METTL4: variants seen among roughly 807,000 people sequenced by gnomAD.
METTL4 encodes the protein methyltransferase 4, N6-adenosine, also known as N(6)-adenine-specific methyltransferase METTL4.
A neutral mutation model predicts 54.0 loss-of-function variants in METTL4; 40 were observed. That is an observed-to-expected ratio of 0.74 (90% CI 0.58 to 0.96). The LOEUF is 0.96. Ranked by LOEUF, METTL4 falls within the 50% of genes least tolerant of loss-of-function variation. The pLI, the probability that METTL4 is intolerant of heterozygous loss-of-function variation, is 0.00. For missense variants in METTL4, 525 were observed against 549.0 expected, an observed-to-expected ratio of 0.96 and a Z score of 0.44; for synonymous variants, 169 against 183.8, an observed-to-expected ratio of 0.92 and a Z score of 0.65.
chr18:2,553,085 C>G (rs2072187224), intron 4 of METTL4: 1 of 189,044 alleles, frequency 5.3e-6, no homozygotes, highest in Non-Finnish European at 1.1e-5. Flanking sequence ...TAATATAGTT[C>G]TAAGAAATCT....
chr18:2,565,736 G>T (rs993902147), intron 2 of METTL4, among the ~76,000 whole-genome samples: 1 of 152,170 alleles, frequency 6.6e-6, no homozygotes, highest in Non-Finnish European at 1.5e-5. Context: ...GAGCTCAAAC[G>T]TTTGTTCGGT....
chr18:2,540,805 GTT>G, intron 8 of METTL4: 6 of 985,384 alleles, frequency 6.1e-6, no homozygotes, highest in Non-Finnish European at 6.0e-6. Context: ...CTGAAGAAAG[GTT>G]TTGTTTGTTT....
chr18:2,540,707 AC>A (rs2071981981), intron 8 of METTL4: 1 of 985,428 alleles, frequency 1.0e-6, no homozygotes, highest in South Asian at 4.7e-5. Context: ...GGAGGAAATA[AC>A]CCCACATGGA....
At chr18:2,565,990 T>G (rs1213872755) in intron 2 of METTL4, among the ~76,000 whole-genome samples, 1 of 150,302 alleles carries the variant, frequency 6.7e-6, no homozygotes, top group African/African-American at 2.5e-5. Flanking sequence ...GAGCTTGCAG[T>G]GAGCTGAGAT....
At chr18:2,559,268 T>C (rs2072280677) in intron 3 of METTL4, among the ~76,000 whole-genome samples, 1 of 152,200 alleles carries the variant, frequency 6.6e-6, no homozygotes, top group Non-Finnish European at 1.5e-5. Context: ...TAAAATGGAA[T>C]ATTTTTCAGC....
At chr18:2,570,943 C>G (rs2072494615) in intron 1 of METTL4, among the ~76,000 whole-genome samples, 1 of 152,192 alleles carries the variant, frequency 6.6e-6, no homozygotes, top group Admixed American at 6.5e-5. Flanking sequence ...TAGTGCACCC[C>G]TCTCCTGCGT....
At position 2,547,469 on chromosome 18, in the gene METTL4, T is replaced by G. The variant is rs1174918782; in HGVS notation, c.960A>C (p.Pro320=). ...TCACCCAAGTAACAAGAAGACAGTTTGGAGCAGCCAATTTAGGGATAGGTA... is the reference window on the plus strand; with the variant it reads ...TCACCCAAGTAACAAGAAGACAGTTGGGAGCAGCCAATTTAGGGATAGGTA... The part of the protein sequence containing the change: ...QQIPIPKLAA[P]NCLLVTWVTN... The change falls in exon 6 of 9, where the codon CCA becomes CCC. Residue 320 remains proline (P), a synonymous_variant. Transcript: ENST00000574538. 1 of 1,611,718 alleles carries G rather than the reference T, an allele frequency of 6.2e-7. No homozygotes were observed. Among genetic ancestry groups the G allele is most frequent in the Non-Finnish European group, 8.5e-7 (1 of 1,178,882 alleles).
chr18:2,544,283 A>G lies in METTL4; in HGVS notation c.1185T>C (p.Asn395=), dbSNP rs1160954751. Reference sequence around the variant, plus strand: ...GAATGGGGAGCACGTTTACATCTGCATTCCTAATTAAACAGAACAAGAAAG... The same window carrying G: ...GAATGGGGAGCACGTTTACATCTGCGTTCCTAATTAAACAGAACAAGAAAG... ...VQEKTALPLR[N]ADVNVLPIPD... is the part of the protein sequence containing the mutation. The change falls in exon 8 of 9, where the codon AAT becomes AAC. Residue 395 remains asparagine, a synonymous_variant. Transcript: ENST00000574538. 6.2e-7 allele frequency: 1 copy of G among 1,609,430 alleles called. No individual in the cohort carries two copies. The highest frequency in any genetic ancestry group is 8.5e-7 in the Non-Finnish European group (1 of 1,177,094).
chr18:2,553,538 G>A (rs2072193695), intron 4 of METTL4: 1 of 152,022 alleles, frequency 6.6e-6, no homozygotes, highest in Non-Finnish European at 1.5e-5. Flanking sequence ...AGTATCTTGG[G>A]AGGAGATACT....
intron 6 of METTL4, 99 bp downstream of exon 6, chr18:2,547,256 G>T: frequency 1.1e-6 from 1 of 881,646 alleles, no homozygotes; most frequent in East Asian, 2.9e-5. Flanking sequence ...CCATGTTGAA[G>T]GAGTACAGCA....
In METTL4 at chr18:2,538,697, T is replaced by C; in HGVS notation, c.*303A>G. On this transcript the variant is annotated 3_prime_UTR_variant, in exon 9 of 9. Transcript: ENST00000574538. ...CACAAAACACATCCATAGATAGGATTAAGACCTCTGGTCCACGGTGTATGT... is the reference window on the plus strand; with the variant it reads ...CACAAAACACATCCATAGATAGGATCAAGACCTCTGGTCCACGGTGTATGT... 1 of 290,876 alleles carries C rather than the reference T, an allele frequency of 3.4e-6. No homozygotes were observed. Among genetic ancestry groups the C allele is most frequent in the African/African-American group, 2.1e-5 (1 of 47,042 alleles). 18.0% of individuals were successfully genotyped at this position (290,876 alleles called of 1,614,324 possible).
intron 3 of METTL4, among the ~76,000 whole-genome samples, chr18:2,557,523 A>C: frequency 6.6e-6 from 1 of 152,190 alleles, no homozygotes; most frequent in East Asian, 1.9e-4. Flanking sequence ...TGTCTCCCCA[A>C]GGCAGAGGAT....
intron 5 of METTL4, among the ~76,000 whole-genome samples, chr18:2,552,002 G>A (rs1345298487): frequency 1.3e-5 from 2 of 152,102 alleles, no homozygotes; most frequent in African/African-American, 4.8e-5. Context: ...AGACCAGCCT[G>A]GCCAATATGG....
rs1311440062 is a variant in METTL4, at chr18:2,547,450, A to G, written c.979T>C (p.Trp327Arg). The G allele has an allele frequency of 6.2e-7, 1 of 1,612,558 alleles. No individual in the cohort carries two copies. Among genetic ancestry groups the G allele is most frequent in the Non-Finnish European group, 8.5e-7 (1 of 1,179,070 alleles). Reference sequence around the variant, plus strand: ...AGGTGCTTCTGTCTATTGGTCACCCAAGTAACAAGAAGACAGTTTGGAGCA... The same window carrying G: ...AGGTGCTTCTGTCTATTGGTCACCCGAGTAACAAGAAGACAGTTTGGAGCA... ...LAAPNCLLVT[W>R]VTNRQKHLRF... Residue 327 changes from tryptophan (W) to arginine (R), a missense_variant, in exon 6 of 9, where the codon TGG becomes CGG. Transcript: ENST00000574538.
intron 5 of METTL4, 94 bp from the exon 6 acceptor site, chr18:2,547,623 G>C: frequency 1.1e-6 from 1 of 888,454 alleles, no homozygotes; most frequent in Non-Finnish European, 1.6e-6. Context: ...CTCCACAAAT[G>C]CAAAGCTCTT....
At chr18:2,560,612 T>C (rs1451230072) in intron 3 of METTL4, among the ~76,000 whole-genome samples, 1 of 152,178 alleles carries the variant, frequency 6.6e-6, no homozygotes, top group Admixed American at 6.5e-5. Context: ...GCGCAGTGGC[T>C]CACGCCTATA....
At chr18:2,559,823 C>T (rs1048217742) in intron 3 of METTL4, among the ~76,000 whole-genome samples, 2 of 152,078 alleles carry the variant, frequency 1.3e-5, no homozygotes, top group African/African-American at 4.8e-5. Flanking sequence ...GCAACCTCCA[C>T]CTCCCAGGTT....
intron 3 of METTL4, among the ~76,000 whole-genome samples, chr18:2,556,260 A>T (rs1194189584): frequency 1.3e-5 from 2 of 152,108 alleles, no homozygotes; most frequent in African/African-American, 4.8e-5. Context: ...AACTCACAGA[A>T]CATCAGGCAG....
chr18:2,555,366 G>A, intron 3 of METTL4: 1 of 260,720 alleles, frequency 3.8e-6, no homozygotes, highest in South Asian at 4.9e-5. Flanking sequence ...GATTGCATGA[G>A]GAAGTATCTG....
Sources: allele counts gnomAD v4.1 joint callset (sites outside exome capture counted in the v4.1 genomes callset), GRCh38; gene constraint gnomAD v4.1.1; transcripts MANE v1.5; gene names NCBI Gene and HGNC (gene_info 2026-07-23, HGNC 2026-07-21).